Variants in RBM46 observed in about 807,000 individuals in gnomAD.
The protein encoded by RBM46 is RNA binding motif protein 46.
A neutral mutation model predicts 43.3 loss-of-function variants in RBM46; 12 were observed. The observed-to-expected ratio is 0.28, with a 90% confidence interval of 0.18 to 0.45. The LOEUF is 0.45. Among genes scored for constraint, RBM46 ranks in the 20% least tolerant of loss-of-function variants. The pLI is 1.00. For synonymous variants in RBM46, 205 were observed against 207.6 expected (o/e 0.99, Z 0.11); for missense variants, 412 against 639.1 (o/e 0.64, Z 3.83).
At chr4:154,806,791 G>A (rs1431493138) in intron 4 of RBM46, among the ~76,000 whole-genome samples, 2 of 151,836 alleles carry the variant, frequency 1.3e-5, no homozygotes, top group East Asian at 3.8e-4. Context: ...TAGAAAACAA[G>A]TTAACTACTT....
chr4:154,799,464 T>C lies in RBM46; in HGVS notation c.1302T>C (p.Ala434=). The change falls in exon 4 of 5, where the codon GCT becomes GCC. Residue 434 remains alanine, a synonymous_variant. Coordinates refer to ENST00000281722, the MANE Select transcript of RBM46 (RefSeq NM_144979.5). ...TGGTGTATAAGATAGTTATTCCTGC[T>C]ATTGCAAATGGATCCCAGAGTTACT... ...VLLVYKIVIP[A]IANGSQSYFM... The C allele has an allele frequency of 8.7e-6, 14 of 1,613,840 alleles. No homozygotes were observed. Among genetic ancestry groups the C allele is most frequent in the Non-Finnish European group, 1.2e-5 (14 of 1,179,862 alleles).
chr4:154,818,158 T>C (rs752080537), intron 4 of RBM46, among the ~76,000 whole-genome samples: 2 of 152,176 alleles, frequency 1.3e-5, no homozygotes, highest in Non-Finnish European at 2.9e-5. Context: ...ACATTGATAT[T>C]GATTTACACA....
chr4:154,827,632 C>G lies in RBM46; in HGVS notation c.1403-236C>G, dbSNP rs556514320. 162 of 1,280,216 alleles carry G rather than the reference C, an allele frequency of 1.3e-4. No homozygotes were observed. In the East Asian group the frequency reaches 3.6e-3, roughly 28 times the overall value. The allele number at this position is 1,280,216 out of a possible 1,614,324, so 79.3% of individuals were successfully genotyped here. A position where few individuals can be genotyped will look rare whatever the true frequency, so the allele number is the denominator to read the frequency against. On this transcript the variant is annotated intron_variant, in intron 4 of 4. Coordinates refer to ENST00000281722, the MANE Select transcript of RBM46 (RefSeq NM_144979.5). ...AATAGTAGATATCCAAGAATTCATT[C>G]TGGTAAGATCTCTGAAACATTGCGT...
chr4:154,803,818 T>C (rs2111156227), intron 4 of RBM46, among the ~76,000 whole-genome samples: 1 of 152,150 alleles, frequency 6.6e-6, no homozygotes, highest in South Asian at 2.1e-4. Flanking sequence ...CTGATATAGT[T>C]TGGACATTTG....
chr4:154,781,617 C>G (rs1055499204), intron 1 of RBM46, 181 bp downstream of exon 1: 1 of 152,354 alleles, frequency 6.6e-6, no homozygotes, highest in Non-Finnish European at 1.5e-5. Context: ...ACGCTGCTTC[C>G]TGCCCCGGCA....
Position 154,828,395 on chromosome 4 carries a change from T to G in RBM46, c.*328T>G. 3.9e-6 allele frequency: 1 copy of G among 258,492 alleles called. No homozygotes were observed. Among genetic ancestry groups the G allele is most frequent in the Non-Finnish European group, 7.4e-6 (1 of 135,144 alleles). The allele number at this position is 258,492 out of a possible 1,614,324, so 16.0% of individuals were successfully genotyped here. A position where few individuals can be genotyped will look rare whatever the true frequency, so the allele number is the denominator to read the frequency against. On this transcript the variant is annotated 3_prime_UTR_variant, in exon 5 of 5. Transcript: ENST00000281722. Reference sequence around the variant, plus strand: ...GTTTTTTTTTTTTTTTGCATAATTTTACTAAATAGTATTTCACAAATATTA... The same window carrying G: ...GTTTTTTTTTTTTTTTGCATAATTTGACTAAATAGTATTTCACAAATATTA...
rs568249280 is a variant in RBM46 at position 154,801,877 on chromosome 4, A to G, written c.1402+2313A>G. ...CAGGTACAATATTTTCAACTTAATT[A>G]TGGTTAATTAGTGATCAAGGTAACA... On this transcript the variant is annotated intron_variant, in intron 4 of 4. Coordinates refer to ENST00000281722, the MANE Select transcript of RBM46 (RefSeq NM_144979.5). Among the ~76,000 whole-genome samples, 159 of 152,290 alleles carry G rather than the reference A, an allele frequency of 1.0e-3. 1 individual carries two copies. Among genetic ancestry groups the G allele is most frequent in the African/African-American group, 3.6e-3 (149 of 41,552 alleles).
rs201268429 is a variant in RBM46, at chr4:154,828,048, A to G, written c.1583A>G (p.Asn528Ser). 1.2e-5 allele frequency: 19 copies of G among 1,612,278 alleles called. No homozygotes were observed. The Admixed American group carries it at 2.3e-4, about 20-fold the overall frequency. The change falls in exon 5 of 5, where the codon AAT (asparagine) becomes AGT (serine). Residue 528 changes from asparagine (N) to serine (S), a missense_variant. Asn to Ser is a conservative substitution (Grantham distance 46). Transcript: ENST00000281722. ...GTTGGACAGCGGCTATGTATCTCCA[A>G]TCAGGCCTCCTTCTTCTGAAGAAAA... Reference protein sequence around the residue: ...SHVGQRLCISNQASFF With the variant: ...SHVGQRLCISSQASFF
chr4:154,819,460 G>A (rs941617498), intron 4 of RBM46, among the ~76,000 whole-genome samples: 9 of 152,110 alleles, frequency 5.9e-5, no homozygotes, highest in Non-Finnish European at 1.2e-4. Flanking sequence ...GTGCACATAC[G>A]TTTGGGTTTT....
chr4:154,810,673 CAA>C (rs1205519591), intron 4 of RBM46, among the ~76,000 whole-genome samples: 1 of 151,998 alleles, frequency 6.6e-6, no homozygotes, highest in Non-Finnish European at 1.5e-5. Flanking sequence ...AAACAACAAA[CAA>C]AAATAATTTT....
At chr4:154,799,801 C>T (rs1375966452) in intron 4 of RBM46, among the ~76,000 whole-genome samples, 1 of 141,528 alleles carries the variant, frequency 7.1e-6, no homozygotes, top group Non-Finnish European at 1.5e-5. Context: ...GCTTTGTCGC[C>T]TAGGCTTATG....
At position 154,798,782 on chromosome 4, in the gene RBM46, G is replaced by T; in HGVS notation, c.620G>T (p.Gly207Val). The T allele has an allele frequency of 2.8e-6, 4 of 1,444,806 alleles. No homozygotes were observed. The highest frequency in any genetic ancestry group is 3.2e-5 in the South Asian group (2 of 62,414). The allele number at this position is 1,444,806 out of a possible 1,614,324, so 89.5% of individuals were successfully genotyped here. A position where few individuals can be genotyped will look rare whatever the true frequency, so the allele number is the denominator to read the frequency against. Reference sequence around the variant, plus strand: ...TCAAATTATTATTTTTTTTTTACAGGAACATTCCAACTATGGGGCCACACC... The same window carrying T: ...TCAAATTATTATTTTTTTTTTACAGTAACATTCCAACTATGGGGCCACACC... ...AAMARRKLIP[G>V]TFQLWGHTIQ... Residue 207 changes from glycine to valine, a missense_variant and splice_region_variant, in exon 4 of 5, where the codon GGA becomes GTA. Physicochemically the swap from Gly to Val is moderately radical, Grantham distance 109 (BLOSUM62 -3). Transcript: ENST00000281722.
chr4:154,818,692 A>G (rs946537612), intron 4 of RBM46, among the ~76,000 whole-genome samples: 1 of 140,306 alleles, frequency 7.1e-6, no homozygotes, highest in Admixed American at 7.1e-5. Context: ...TCTCTTATTT[A>G]TGGTAATCCA....
At chr4:154,823,487 TAGTC>T (rs1035099863) in intron 4 of RBM46, among the ~76,000 whole-genome samples, 7 of 151,826 alleles carry the variant, frequency 4.6e-5, no homozygotes, top group African/African-American at 1.7e-4. Flanking sequence ...AAAGAGTATC[TAGTC>T]AGAAACAAAA....
chr4:154,817,323 TTC>T (rs1735494345), intron 4 of RBM46, among the ~76,000 whole-genome samples: 1 of 134,608 alleles, frequency 7.4e-6, no homozygotes, highest in Admixed American at 8.6e-5. Flanking sequence ...CATTTGGTTT[TTC>T]TCTTTCTTTT....
chr4:154,814,505 A>G (rs1333824297), intron 4 of RBM46, among the ~76,000 whole-genome samples: 1 of 152,010 alleles, frequency 6.6e-6, no homozygotes, highest in African/African-American at 2.4e-5. Flanking sequence ...CATCTCTTCT[A>G]TATGCCGACA....
chr4:154,800,046 C>T (rs576956086), intron 4 of RBM46, among the ~76,000 whole-genome samples: 21 of 152,306 alleles, frequency 1.4e-4, no homozygotes, highest in Non-Finnish European at 2.8e-4. Context: ...GCTGGGATTA[C>T]AGGCGTGAGC....
At chr4:154,792,248 TATAA>T (rs143741699) in intron 1 of RBM46, among the ~76,000 whole-genome samples, 3,492 of 152,294 alleles carry the variant, frequency 0.023, 127 homozygotes, top group African/African-American at 0.08. Flanking sequence ...TACAGATTAC[TATAA>T]ATAATAAATG....
chr4:154,799,037 A>G lies in RBM46; in HGVS notation c.875A>G (p.Asn292Ser), dbSNP rs1325410510. The change falls in exon 4 of 5, where the codon AAT (asparagine) becomes AGT (serine). Residue 292 changes from asparagine to serine, a missense_variant. Asn to Ser is a conservative substitution (Grantham distance 46). Transcript: ENST00000281722. ...EDAVAAMSVM[N>S]GKCIDGASIE... is the part of the protein sequence containing the mutation. ...GCAGTGGCTGCCATGTCTGTTATGA[A>G]TGGAAAATGCATTGATGGAGCAAGT... is the stretch of plus-strand genomic sequence containing the variant. 3.7e-6 allele frequency: 6 copies of G among 1,614,038 alleles called. No homozygotes were observed. The highest frequency in any genetic ancestry group is 1.3e-5 in the African/African-American group (1 of 74,914).
Sources: gnomAD v4.1 joint callset for allele counts (sites outside exome capture counted in the v4.1 genomes callset) on GRCh38, gnomAD v4.1.1 for gene constraint, MANE v1.5 for transcripts, NCBI Gene and HGNC (gene_info 2026-07-23, HGNC 2026-07-21) for gene names.